Variants in THNSL1 observed in about 807,000 individuals in gnomAD.
THNSL1 encodes threonine synthase-like 1.
In THNSL1, 48 loss-of-function variants were observed where a neutral mutation model predicts 50.4. The ratio of observed to expected loss-of-function variants is 0.95; its 90% CI spans 0.76 to 1.21. THNSL1 has a LOEUF of 1.21. Ranked by LOEUF, THNSL1 falls within the 50% of genes most tolerant of loss-of-function variation. The pLI is 0.00. For missense variants in THNSL1, 896 were observed against 871.7 expected (o/e 1.03, Z -0.35); for synonymous variants, 309 against 306.1 (o/e 1.01, Z -0.10).
chr10:25,024,336 T>G lies in THNSL1; in HGVS notation c.1113T>G (p.Asn371Lys), dbSNP rs777084674. Residue 371 changes from asparagine to lysine, a missense_variant, in exon 3 of 3, where the codon AAT becomes AAG. Physicochemically the swap from Asn to Lys is moderately conservative, Grantham distance 94. Coordinates refer to ENST00000376356, the MANE Select transcript of THNSL1 (RefSeq NM_024838.5). ...IFAHCIPPSC[N>K]YMILVATSGD... ...CACACTGTATCCCACCAAGTTGCAA[T>G]TATATGATACTTGTAGCTACTTCAG... The G allele has an allele frequency of 7.4e-6, 12 of 1,614,070 alleles. No homozygotes were observed. The South Asian group carries it at 1.3e-4, about 18-fold the overall frequency.
Position 25,023,375 on chromosome 10 carries a change from C to A in THNSL1, c.152C>A (p.Ser51Tyr). The A allele has an allele frequency of 1.2e-6, 2 of 1,614,174 alleles. No homozygotes were observed. Among genetic ancestry groups the A allele is most frequent in the Middle Eastern group, 1.6e-4 (1 of 6,062 alleles). Residue 51 changes from serine (S) to tyrosine (Y), a missense_variant, in exon 3 of 3, where the codon TCT becomes TAT. Ser to Tyr is a moderately radical substitution (Grantham distance 144, BLOSUM62 -2). Coordinates refer to ENST00000376356, the MANE Select transcript of THNSL1 (RefSeq NM_024838.5). ...ELRKSWYSTH[S>Y]LVGDKNIILM... The stretch of plus-strand genomic sequence containing the variant: ...AGGAAGTCATGGTATTCAACCCACT[C>A]TCTTGTTGGAGACAAAAATATTATC...
chr10:24,982,119 T>C, the THNSL1 span: 8 of 152,194 alleles, frequency 5.3e-5, no homozygotes, highest in Admixed American at 3.9e-4. Flanking sequence ...GAAATGTTCA[T>C]GGAAAACAGG....
At chr10:25,017,520 G>A (rs1436296982) in intron 1 of THNSL1, among the ~76,000 whole-genome samples, 1 of 151,958 alleles carries the variant, frequency 6.6e-6, no homozygotes, top group East Asian at 1.9e-4. Flanking sequence ...CAATGGCCTG[G>A]TGAACCTTTT....
intron 2 of THNSL1, 66 bp from the exon 3 acceptor site, chr10:25,023,110 C>G: frequency 5.0e-6 from 5 of 992,832 alleles, no homozygotes; most frequent in Non-Finnish European, 7.3e-6. Context: ...GGGATTTTAA[C>G]AATCTACTGT....
At chr10:24,989,385 C>T in the THNSL1 span, among the ~76,000 whole-genome samples, 1 of 152,196 alleles carries the variant, frequency 6.6e-6, no homozygotes, top group African/African-American at 2.4e-5. Flanking sequence ...CCGTCCTTGC[C>T]TTTGAGCCAC....
At chr10:24,987,339 T>C in the THNSL1 span, among the ~76,000 whole-genome samples, 3 of 152,074 alleles carry the variant, frequency 2.0e-5, no homozygotes, top group Admixed American at 6.6e-5. Context: ...CTGTCAATAA[T>C]TCCTTCATAA....
chr10:25,008,755 G>C, the THNSL1 span, among the ~76,000 whole-genome samples: 1 of 152,074 alleles, frequency 6.6e-6, no homozygotes, highest in African/African-American at 2.4e-5. Context: ...CCCATTACTG[G>C]GTATATACCC....
At chr10:24,960,758 TTG>T in the THNSL1 span, among the ~76,000 whole-genome samples, 3 of 144,372 alleles carry the variant, frequency 2.1e-5, no homozygotes, top group African/African-American at 8.6e-5. Flanking sequence ...AGCCTATTTT[TTG>T]TTTTTTTTTA....
the THNSL1 span, chr10:24,984,283 T>C: frequency 4.2e-6 from 6 of 1,438,636 alleles, no homozygotes; most frequent in Non-Finnish European, 5.7e-6. Flanking sequence ...AAACAATGTG[T>C]TGGAGACAGT....
the THNSL1 span, among the ~76,000 whole-genome samples, chr10:24,968,354 C>T: frequency 6.6e-6 from 1 of 152,132 alleles, no homozygotes; most frequent in Non-Finnish European, 1.5e-5. Flanking sequence ...CCTAAGAAGG[C>T]ACAAATTCAA....
At chr10:24,988,434 T>C in the THNSL1 span, among the ~76,000 whole-genome samples, 2 of 143,388 alleles carry the variant, frequency 1.4e-5, no homozygotes, top group East Asian at 3.9e-4. Context: ...GTAAAATTTA[T>C]TTTTTATATT....
At chr10:25,000,672 T>G in the THNSL1 span, among the ~76,000 whole-genome samples, 1 of 152,254 alleles carries the variant, frequency 6.6e-6, no homozygotes, top group South Asian at 2.1e-4. Context: ...TTTTCCATTC[T>G]TGGACTTTCT....
At chr10:24,971,601 G>A in the THNSL1 span, among the ~76,000 whole-genome samples, 2 of 152,206 alleles carry the variant, frequency 1.3e-5, no homozygotes, top group African/African-American at 4.8e-5. Flanking sequence ...CAAGTGTCAA[G>A]TGGGGTTTTA....
In THNSL1 at chr10:25,025,607, G is replaced by C. The variant is rs1588676728; in HGVS notation, c.*152G>C. 4.3e-5 allele frequency: 31 copies of C among 720,342 alleles called. No homozygotes were observed. The East Asian group carries it at 7.4e-4, about 17-fold the overall frequency. The allele number at this position is 720,342 out of a possible 1,614,324, so 44.6% of individuals were successfully genotyped here. On this transcript the variant is annotated 3_prime_UTR_variant, in exon 3 of 3. Transcript: ENST00000376356. ...AGTCTGATCTCTAGGGCTGACATGA[G>C]AACTCCATGTCACCTCCTCAGATCT...
At chr10:25,006,207 C>T in the THNSL1 span, among the ~76,000 whole-genome samples, 1 of 152,080 alleles carries the variant, frequency 6.6e-6, no homozygotes. Context: ...TCCAAAACTG[C>T]TTTTGTTTAG....
At chr10:25,005,984 T>C in the THNSL1 span, among the ~76,000 whole-genome samples, 3 of 152,248 alleles carry the variant, frequency 2.0e-5, no homozygotes, top group East Asian at 5.8e-4. Flanking sequence ...GCGGAAATCA[T>C]AGTATTTTAG....
At chr10:24,975,793 T>C in the THNSL1 span, among the ~76,000 whole-genome samples, 2 of 152,240 alleles carry the variant, frequency 1.3e-5, no homozygotes, top group African/African-American at 4.8e-5. Flanking sequence ...AGTATCTTTA[T>C]GGCAGTGTGA....
chr10:25,025,496 CAAT>C lies in THNSL1; in HGVS notation c.*47_*49del, dbSNP rs1461472235. Reference sequence around the variant, plus strand: ...ATTTTTTTTTCTAGCTATAAGCATGCAATAATAAATCTCAAACACTGATTTGGA... The same window carrying C: ...ATTTTTTTTTCTAGCTATAAGCATGCAATAAATCTCAAACACTGATTTGGA... On this transcript the variant is annotated 3_prime_UTR_variant, in exon 3 of 3. Coordinates refer to ENST00000376356, the MANE Select transcript of THNSL1 (RefSeq NM_024838.5). 2 of 1,536,326 alleles carry C rather than the reference CAAT, an allele frequency of 1.3e-6. No homozygotes were observed. The highest frequency in any genetic ancestry group is 1.3e-5 in the South Asian group (1 of 78,974).
the THNSL1 span, among the ~76,000 whole-genome samples, chr10:24,971,452 C>T: frequency 1.3e-5 from 2 of 152,062 alleles, no homozygotes; most frequent in African/African-American, 4.8e-5. Flanking sequence ...GGGCATCATC[C>T]CAGCTCCTCT....
Sources: gnomAD v4.1 joint callset for allele counts (sites outside exome capture counted in the v4.1 genomes callset) on GRCh38, gnomAD v4.1.1 for gene constraint, MANE v1.5 for transcripts, NCBI Gene and HGNC (gene_info 2026-07-23, HGNC 2026-07-21) for gene names.